The following TRIML1 variants were observed in gnomAD, a reference collection of about 807,000 sequenced individuals.
TRIML1 encodes the protein tripartite motif family like 1.
A neutral mutation model predicts 32.3 loss-of-function variants in TRIML1; 34 were observed. The observed-to-expected ratio is 1.05, with a 90% confidence interval of 0.80 to 1.40. TRIML1 has a LOEUF of 1.40. TRIML1 is among the 40% of genes most tolerant of loss of function. The pLI is 0.00. For synonymous variants in TRIML1, 244 were observed against 226.6 expected (o/e 1.08, Z -0.69); for missense variants, 595 against 574.9 (o/e 1.03, Z -0.36).
intron 3 of TRIML1, chr4:188,143,026 C>G (rs1734921924): frequency 6.6e-6 from 1 of 152,034 alleles, no homozygotes. Context: ...CTTTGGTCTA[C>G]TGCCCTTCTA....
downstream of TRIML1, among the ~76,000 whole-genome samples, chr4:188,150,601 C>T (rs1735228114): frequency 6.6e-6 from 1 of 152,058 alleles, no homozygotes; most frequent in South Asian, 2.1e-4. Context: ...ACTTTGTGGG[C>T]ATTACATCTC....
rs762623663 is a variant in TRIML1 at position 188,139,715 on chromosome 4, T to G, written c.157T>G (p.Cys53Gly). 1.2e-6 allele frequency: 2 copies of G among 1,614,008 alleles called. No individual in the cohort carries two copies. The highest frequency in any genetic ancestry group is 2.2e-5 in the South Asian group (2 of 91,086). Residue 53 changes from cysteine to glycine, a missense_variant, in exon 1 of 6, where the codon TGT becomes GGT. Coordinates refer to ENST00000332517, the MANE Select transcript of TRIML1 (RefSeq NM_178556.5). ...GGAGGAACATAACACACCTTTATCT[T>G]GTCCTGAGTGCTGGAGGACCTTGGA... ...SWEEHNTPLS[C>G]PECWRTLEGP...
At chr4:188,148,666 G>T (rs865944138), downstream of TRIML1, among the ~76,000 whole-genome samples, 2 of 149,732 alleles carry the variant, frequency 1.3e-5, no homozygotes, top group South Asian at 4.5e-4. Context: ...GCAATGGAGC[G>T]ATCGCAGCTC....
At chr4:188,149,859 G>A (rs2111243604), downstream of TRIML1, among the ~76,000 whole-genome samples, 1 of 152,206 alleles carries the variant, frequency 6.6e-6, no homozygotes, top group South Asian at 2.1e-4. Context: ...CTGGAATGCA[G>A]TGGCGCCATC....
chr4:188,144,219 G>C, intron 5 of TRIML1, 86 bp downstream of exon 5: 1 of 1,191,654 alleles, frequency 8.4e-7, no homozygotes, highest in Non-Finnish European at 1.2e-6. Context: ...TTCACGATCT[G>C]ACACGAGGCT....
rs766232239 is a variant in TRIML1, at chr4:188,147,115, G to A, written c.1150G>A (p.Gly384Arg). 3.7e-6 allele frequency: 6 copies of A among 1,614,048 alleles called. No individual in the cohort carries two copies. The highest frequency in any genetic ancestry group is 2.2e-5 in the South Asian group (2 of 91,074). The change falls in exon 6 of 6, where the codon GGA becomes AGA. Residue 384 changes from glycine to arginine, a missense_variant. Physicochemically the swap from Gly to Arg is moderately radical, Grantham distance 125 (BLOSUM62 -2). Transcript: ENST00000332517. Reference protein sequence around the residue: ...DLFSLIGLKIGDDYSLWVSSP... With the variant: ...DLFSLIGLKIRDDYSLWVSSP... ...GTTCTCACTAATAGGTTTAAAAATC[G>A]GAGATGATTACAGCCTCTGGGTCTC...
intron 1 of TRIML1, 110 bp downstream of exon 1, chr4:188,140,076 A>T (rs112105343): frequency 0.026 from 29,074 of 1,134,400 alleles, 536 homozygotes; most frequent in African/African-American, 0.049. Context: ...GGCCCATCTG[A>T]GCACCACATC....
At position 188,147,406 on chromosome 4, in the gene TRIML1, T is replaced by C. The variant is rs1485380552; in HGVS notation, c.*34T>C. 2.1e-6 allele frequency: 3 copies of C among 1,450,476 alleles called. No individual in the cohort carries two copies. The highest frequency in any genetic ancestry group is 2.7e-6 in the Non-Finnish European group (3 of 1,103,498). 89.9% of individuals were successfully genotyped at this position (1,450,476 alleles called of 1,614,324 possible). On this transcript the variant is annotated 3_prime_UTR_variant, in exon 6 of 6. Coordinates refer to ENST00000332517, the MANE Select transcript of TRIML1 (RefSeq NM_178556.5). ...CCCTGAGCCGTCACAGCGGGCGATG[T>C]CTGAGACCAAGACACAACTATTAAG...
At position 188,139,719 on chromosome 4, in the gene TRIML1, C is replaced by T; in HGVS notation, c.161C>T (p.Pro54Leu). 1 of 1,614,056 alleles carries T rather than the reference C, an allele frequency of 6.2e-7. No homozygotes were observed. Among genetic ancestry groups the T allele is most frequent in the South Asian group, 1.1e-5 (1 of 91,082 alleles). The part of the protein sequence containing the change: ...WEEHNTPLSC[P>L]ECWRTLEGPH... ...GAACATAACACACCTTTATCTTGTC[C>T]TGAGTGCTGGAGGACCTTGGAGGGC... Residue 54 changes from proline to leucine, a missense_variant, in exon 1 of 6, where the codon CCT becomes CTT. Coordinates refer to ENST00000332517, the MANE Select transcript of TRIML1 (RefSeq NM_178556.5).
rs775637313 is a variant in TRIML1, at chr4:188,139,973, C to G, written c.408+7C>G. On this transcript the variant is annotated splice_region_variant and intron_variant, in intron 1 of 5. Transcript: ENST00000332517. ...GGCTGAGGAGCATCACAGAGTAAGA[C>G]AGCTGCTCAGCATGAACCCCACGAC... 1 of 1,591,896 alleles carries G rather than the reference C, an allele frequency of 6.3e-7. No individual in the cohort carries two copies. The highest frequency in any genetic ancestry group is 8.6e-7 in the Non-Finnish European group (1 of 1,166,922).
Position 188,142,482 on chromosome 4 carries a change from G to T in TRIML1, c.735G>T (p.Glu245Asp), listed in dbSNP as rs1469386480. 9 of 1,611,158 alleles carry T rather than the reference G, an allele frequency of 5.6e-6. No individual in the cohort carries two copies. ...SSQSSAFESL[E>D]EVRGALERSE... Reference sequence around the variant, plus strand: ...AAAGCTCGGCTTTCGAATCTCTTGAGGTGAGAATAACATTCATGAGAGTAA... The same window carrying T: ...AAAGCTCGGCTTTCGAATCTCTTGATGTGAGAATAACATTCATGAGAGTAA... Residue 245 changes from glutamate to aspartate, a missense_variant and splice_region_variant, in exon 3 of 6, where the codon GAG (glutamate) becomes GAT (aspartate). Physicochemically the swap from Glu to Asp is conservative, Grantham distance 45 (BLOSUM62 2). Transcript: ENST00000332517.
chr4:188,146,758 C>T, intron 5 of TRIML1, 64 bp from the exon 6 acceptor site: 1 of 1,223,026 alleles, frequency 8.2e-7, no homozygotes, highest in Non-Finnish European at 1.1e-6. Context: ...CAATGGAAAT[C>T]TCACATACCT....
At position 188,139,771 on chromosome 4, in the gene TRIML1, G is replaced by A; in HGVS notation, c.213G>A (p.Leu71=). ...EGPHFQSNER[L]GRLASIARQL... ...CGCATTTCCAGTCAAACGAGCGTCTGGGGAGGCTGGCCAGCATCGCCAGGC... is the reference window on the plus strand; with the variant it reads ...CGCATTTCCAGTCAAACGAGCGTCTAGGGAGGCTGGCCAGCATCGCCAGGC... The change falls in exon 1 of 6, where the codon CTG becomes CTA. Residue 71 remains leucine, a synonymous_variant. Coordinates refer to ENST00000332517, the MANE Select transcript of TRIML1 (RefSeq NM_178556.5). 1.2e-6 allele frequency: 2 copies of A among 1,613,962 alleles called. No individual in the cohort carries two copies. Among genetic ancestry groups the A allele is most frequent in the Non-Finnish European group, 1.7e-6 (2 of 1,180,012 alleles).
intron 1 of TRIML1, 94 bp downstream of exon 1, chr4:188,140,060 C>T: frequency 7.5e-7 from 1 of 1,326,318 alleles, no homozygotes; most frequent in Admixed American, 2.4e-5. Flanking sequence ...GGGGGACAGT[C>T]ACGAGGGCCC....
chr4:188,141,817 A>C (rs1346337423), intron 2 of TRIML1, among the ~76,000 whole-genome samples: 2 of 152,102 alleles, frequency 1.3e-5, no homozygotes, highest in Non-Finnish European at 2.9e-5. Context: ...TGTTGCCATG[A>C]AACTCTAGGA....
upstream of TRIML1, among the ~76,000 whole-genome samples, chr4:188,137,996 G>C (rs551329135): frequency 1.3e-5 from 2 of 149,462 alleles, no homozygotes; most frequent in East Asian, 3.9e-4. Flanking sequence ...TAGTATCCTG[G>C]AGGCTATCTT....
In TRIML1 at chr4:188,143,842, T is replaced by G; in HGVS notation, c.740T>G (p.Val247Gly). The G allele has an allele frequency of 6.2e-7, 1 of 1,614,082 alleles. No individual in the cohort carries two copies. Residue 247 changes from valine (V) to glycine (G), a missense_variant, in exon 4 of 6, where the codon GTG (valine) becomes GGG (glycine). Physicochemically the swap from Val to Gly is moderately radical, Grantham distance 109 (BLOSUM62 -3). Coordinates refer to ENST00000332517, the MANE Select transcript of TRIML1 (RefSeq NM_178556.5). ...QSSAFESLEE[V>G]RGALERSEPL... is the part of the protein sequence containing the mutation. Reference sequence around the variant, plus strand: ...TTCTTTCTTTTTTACCCGTAGGAAGTGAGAGGAGCCCTGGAAAGGTAGGCT... The same window carrying G: ...TTCTTTCTTTTTTACCCGTAGGAAGGGAGAGGAGCCCTGGAAAGGTAGGCT...
downstream of TRIML1, among the ~76,000 whole-genome samples, chr4:188,148,673 G>A (rs1735169859): frequency 1.3e-5 from 2 of 148,854 alleles, no homozygotes; most frequent in Admixed American, 6.7e-5. Context: ...AGCGATCGCA[G>A]CTCACTGCAA....
chr4:188,140,050 G>T (rs568953897), intron 1 of TRIML1, 84 bp downstream of exon 1: 2 of 1,431,578 alleles, frequency 1.4e-6, no homozygotes, highest in Non-Finnish European at 1.9e-6. Flanking sequence ...CGTCCTCTGT[G>T]GGGGACAGTC....
Sources: gnomAD v4.1 joint callset for allele counts (sites outside exome capture counted in the v4.1 genomes callset) on GRCh38, gnomAD v4.1.1 for gene constraint, MANE v1.5 for transcripts, NCBI Gene and HGNC (gene_info 2026-07-23, HGNC 2026-07-21) for gene names.